Variants in APBA2 observed in about 807,000 individuals in gnomAD.
APBA2 encodes the protein amyloid-beta A4 precursor protein-binding family A member 2.
A neutral mutation model predicts 75.0 loss-of-function variants in APBA2; 30 were observed. The ratio of observed to expected loss-of-function variants is 0.40; its 90% confidence interval spans 0.30 to 0.54. The LOEUF is 0.54. Ranked by LOEUF, APBA2 falls within the 20% of genes least tolerant of loss-of-function variation. APBA2 has a pLI of 0.49. For missense variants in APBA2, 801 were observed against 1,016.1 expected (o/e 0.79, Z 2.88); for synonymous variants, 444 against 409.6 (o/e 1.08, Z -1.01).
chr15:29,064,682 A>C (rs113573846), intron 4 of APBA2, among the ~76,000 whole-genome samples: 3 of 152,046 alleles, frequency 2.0e-5, no homozygotes, highest in African/African-American at 7.2e-5. Flanking sequence ...AAACAAGACA[A>C]AGGGAAGGCG....
chr15:28,917,737 G>T (rs73364789), intron 1 of APBA2, among the ~76,000 whole-genome samples: 5,061 of 152,214 alleles, frequency 0.033, 245 homozygotes, highest in African/African-American at 0.11. Context: ...TTGACAAATG[G>T]GGAATGACTC....
chr15:29,064,692 G>A (rs905255106), intron 4 of APBA2, among the ~76,000 whole-genome samples: 5 of 152,136 alleles, frequency 3.3e-5, no homozygotes, highest in African/African-American at 7.2e-5. Flanking sequence ...AAGGGAAGGC[G>A]AGGGACATGG....
At chr15:28,946,371 C>A (rs1466500848) in intron 2 of APBA2, among the ~76,000 whole-genome samples, 1 of 152,146 alleles carries the variant, frequency 6.6e-6, no homozygotes, top group African/African-American at 2.4e-5. Context: ...GGAGAAGGTG[C>A]TGTGACGATG....
At chr15:28,901,784 G>A (rs1437086985) in intron 1 of APBA2, among the ~76,000 whole-genome samples, 1 of 152,174 alleles carries the variant, frequency 6.6e-6, no homozygotes, top group African/African-American at 2.4e-5. Context: ...GCCACCCTGC[G>A]GGGTTAGGGA....
intron 3 of APBA2, among the ~76,000 whole-genome samples, chr15:29,033,699 G>A (rs1278798993): frequency 1.3e-5 from 2 of 152,114 alleles, no homozygotes; most frequent in Admixed American, 6.5e-5. Flanking sequence ...GGTGGCTCAC[G>A]CCTGTAATTC....
At chr15:29,028,577 C>T (rs899787407) in intron 3 of APBA2, among the ~76,000 whole-genome samples, 1 of 152,192 alleles carries the variant, frequency 6.6e-6, no homozygotes, top group African/African-American at 2.4e-5. Flanking sequence ...TTTGAGGAGT[C>T]ACCACACTGT....
intron 6 of APBA2, among the ~76,000 whole-genome samples, chr15:29,091,141 C>T (rs1237363736): frequency 6.6e-6 from 1 of 152,156 alleles, no homozygotes; most frequent in Non-Finnish European, 1.5e-5. Flanking sequence ...ATCCCGCAGT[C>T]CCCCACATTG....
intron 6 of APBA2, among the ~76,000 whole-genome samples, chr15:29,084,689 T>C (rs2043213390): frequency 6.6e-6 from 1 of 152,260 alleles, no homozygotes; most frequent in Non-Finnish European, 1.5e-5. Context: ...ACCCGTCTAT[T>C]GAGATTGGTC....
At chr15:28,969,458 G>A (rs1288633952) in intron 2 of APBA2, among the ~76,000 whole-genome samples, 1 of 152,090 alleles carries the variant, frequency 6.6e-6, no homozygotes, top group South Asian at 2.1e-4. Context: ...GGGATTACAG[G>A]TGTGAGCCAC....
At chr15:29,001,694 A>G (rs2038856969) in intron 3 of APBA2, among the ~76,000 whole-genome samples, 1 of 152,110 alleles carries the variant, frequency 6.6e-6, no homozygotes, top group South Asian at 2.1e-4. Context: ...GGCTGTTACT[A>G]TTTGCTTGCA....
intron 3 of APBA2, among the ~76,000 whole-genome samples, chr15:29,006,909 GT>G (rs2152809095): frequency 6.6e-6 from 1 of 152,220 alleles, no homozygotes; most frequent in African/African-American, 2.4e-5. Flanking sequence ...AGGAAAATTC[GT>G]CCTAAAATTC....
intron 1 of APBA2, among the ~76,000 whole-genome samples, chr15:28,896,575 G>C (rs1054441698): frequency 2.6e-5 from 4 of 152,148 alleles, no homozygotes; most frequent in African/African-American, 9.7e-5. Context: ...CACCGCGCCT[G>C]GCCTCTTTCT....
At chr15:28,950,115 C>T (rs1000008636) in intron 2 of APBA2, among the ~76,000 whole-genome samples, 2 of 152,108 alleles carry the variant, frequency 1.3e-5, no homozygotes, top group Non-Finnish European at 2.9e-5. Flanking sequence ...TGATAGTTTT[C>T]AAGAGTACAG....
chr15:29,109,145 C>T (rs73370292), intron 13 of APBA2, among the ~76,000 whole-genome samples: 11,449 of 152,200 alleles, frequency 0.075, 1,386 homozygotes, highest in African/African-American at 0.25. Context: ...AGAGACACTG[C>T]GGGCTGGAGT....
chr15:28,958,338 C>G (rs2036283130), intron 2 of APBA2, among the ~76,000 whole-genome samples: 1 of 152,232 alleles, frequency 6.6e-6, no homozygotes, highest in Admixed American at 6.5e-5. Flanking sequence ...TTACTGGGCC[C>G]AGGCCCTGTG....
chr15:29,101,548 T>G (rs757032213), intron 9 of APBA2, 51 bp from the exon 10 acceptor site: 4 of 1,584,412 alleles, frequency 2.5e-6, no homozygotes, highest in Non-Finnish European at 3.4e-6. Context: ...TACTTTTCAA[T>G]GGATTGTCCC....
At chr15:29,057,390 G>A (rs2041946707) in intron 4 of APBA2, among the ~76,000 whole-genome samples, 1 of 152,128 alleles carries the variant, frequency 6.6e-6, no homozygotes, top group Non-Finnish European at 1.5e-5. Context: ...AGTGTGTCCT[G>A]GATATTTTGA....
chr15:28,994,943 T>C (rs571738609), intron 2 of APBA2, among the ~76,000 whole-genome samples: 7 of 152,322 alleles, frequency 4.6e-5, no homozygotes, highest in African/African-American at 1.7e-4. Flanking sequence ...GCTGTATTAC[T>C]ATCCTTTTTG....
intron 2 of APBA2, among the ~76,000 whole-genome samples, chr15:28,960,867 C>T (rs2036431892): frequency 1.3e-5 from 2 of 151,124 alleles, no homozygotes; most frequent in African/African-American, 4.9e-5. Context: ...TCAAATGATT[C>T]TCCTGCCTCA....
Sources: gnomAD v4.1 joint callset for allele counts (sites outside exome capture counted in the v4.1 genomes callset) on GRCh38, gnomAD v4.1.1 for gene constraint, MANE v1.5 for transcripts, NCBI Gene and HGNC (gene_info 2026-07-23, HGNC 2026-07-21) for gene names.